Variants in TMEM259 observed in about 807,000 individuals in gnomAD.
The protein encoded by TMEM259 is membralin.
Under a neutral mutation model 46.7 loss-of-function variants are expected in TMEM259, and 26 were observed. That is an observed-to-expected ratio of 0.56 (90% CI 0.41 to 0.77). The LOEUF (loss-of-function observed/expected upper bound fraction) is 0.77, where lower values mean the gene tolerates loss of function less well. Among genes scored for constraint, TMEM259 ranks in the 30% least tolerant of loss-of-function variants. The pLI is 0.00. For synonymous variants in TMEM259, 494 were observed against 395.1 expected, an observed-to-expected ratio of 1.25 and a Z score of -2.97; for missense variants, 930 against 900.5, an observed-to-expected ratio of 1.03 and a Z score of -0.42.
At position 1,010,353 on chromosome 19, in the gene TMEM259, G is replaced by C. The variant is rs1028601250; in HGVS notation, c.1860C>G (p.Ser620=). Residue 620 remains serine, a synonymous_variant, in exon 11 of 11, where the codon TCC becomes TCG. Transcript: ENST00000356663. The part of the protein sequence containing the change: ...APTEAPSEVG[S] Reference sequence around the variant, plus strand: ...AGAGGCGGCTCAGCTGTGCGGCTCAGGACCCCACCTCCGAGGGCGCCTCCG... The same window carrying C: ...AGAGGCGGCTCAGCTGTGCGGCTCACGACCCCACCTCCGAGGGCGCCTCCG... The C allele has an allele frequency of 1.3e-6, 2 of 1,488,736 alleles. No individual in the cohort carries two copies. The highest frequency in any genetic ancestry group is 2.5e-5 in the East Asian group (1 of 40,036). The allele number at this position is 1,488,736 out of a possible 1,614,324, so 92.2% of individuals were successfully genotyped here.
In TMEM259 at chr19:1,016,068, C is replaced by T. The variant is rs571518569; in HGVS notation, c.226-1595G>A. Among the ~76,000 whole-genome samples the T allele has an allele frequency of 2.0e-5, 3 of 152,336 alleles. No homozygotes were observed. The East Asian group carries it at 5.8e-4, about 29-fold the overall frequency. ...GCTGATCTGAACTGCATTTCTAGTC[C>T]TTACAGCCAAAAGAGCCGCAGGGGA... On this transcript the variant is annotated intron_variant, in intron 1 of 10. Coordinates refer to ENST00000356663, the MANE Select transcript of TMEM259 (RefSeq NM_001033026.2).
Position 1,010,185 on chromosome 19 carries a change from A to AG in TMEM259, c.*164dup, listed in dbSNP as rs370000938. 3 of 631,736 alleles carry AG rather than the reference A, an allele frequency of 4.7e-6. No homozygotes were observed. The highest frequency in any genetic ancestry group is 3.9e-5 in the African/African-American group (2 of 51,092). 39.1% of individuals were successfully genotyped at this position (631,736 alleles called of 1,614,324 possible). A position where few individuals can be genotyped will look rare whatever the true frequency, so the allele number is the denominator to read the frequency against. Reference sequence around the variant, plus strand: ...CAAGCCTCGGGCGCGACCTCACACCAGGGGGAGGAAAGCCGCCTTCCGGGC... The same window carrying AG: ...CAAGCCTCGGGCGCGACCTCACACCAGGGGGGAGGAAAGCCGCCTTCCGGGC... On this transcript the variant is annotated 3_prime_UTR_variant, in exon 11 of 11. Transcript: ENST00000356663.
intron 9 of TMEM259, 49 bp downstream of exon 9, chr19:1,011,318 A>G: frequency 6.5e-7 from 1 of 1,545,506 alleles, no homozygotes; most frequent in African/African-American, 1.4e-5. Context: ...GCAGCCCCCT[A>G]CCCCTGCCCA....
chr19:1,014,128 C>T (rs1408367101), intron 2 of TMEM259, 64 bp downstream of exon 2: 16 of 1,552,258 alleles, frequency 1.0e-5, no homozygotes, highest in Non-Finnish European at 1.3e-5. Flanking sequence ...AGGAACCGCC[C>T]CTTCAGCGAC....
Position 1,021,041 on chromosome 19 carries a change from G to T in TMEM259, c.-45C>A. 1 of 1,314,800 alleles carries T rather than the reference G, an allele frequency of 7.6e-7. No homozygotes were observed. The highest frequency in any genetic ancestry group is 3.5e-5 in the East Asian group (1 of 28,918). The allele number at this position is 1,314,800 out of a possible 1,614,324, so 81.4% of individuals were successfully genotyped here. A position where few individuals can be genotyped will look rare whatever the true frequency, so the allele number is the denominator to read the frequency against. On this transcript the variant is annotated 5_prime_UTR_variant, in exon 1 of 11. Coordinates refer to ENST00000356663, the MANE Select transcript of TMEM259 (RefSeq NM_001033026.2). ...TAACGACCCGCAAGTGTCCGAGGGC[G>T]CCTCCCGGCCGCCATCGGCCGCCCT...
chr19:1,012,347 G>A (rs1437581516), intron 4 of TMEM259, 116 bp downstream of exon 4: 24 of 1,495,734 alleles, frequency 1.6e-5, no homozygotes, highest in Non-Finnish European at 2.0e-5. Context: ...TGCCTGGGGC[G>A]GGGCAGACCC....
chr19:1,010,691 C>G lies in TMEM259; in HGVS notation c.1522G>C (p.Gly508Arg), dbSNP rs527744500. The G allele has an allele frequency of 2.0e-6, 3 of 1,531,266 alleles. No individual in the cohort carries two copies. In the Admixed American group the frequency reaches 5.9e-5, roughly 30 times the overall value. 94.9% of individuals were successfully genotyped at this position (1,531,266 alleles called of 1,614,324 possible). The change falls in exon 11 of 11, where the codon GGG becomes CGG. Residue 508 changes from glycine (G) to arginine (R), a missense_variant. By Grantham distance (125) the Gly-to-Arg change is moderately radical. Coordinates refer to ENST00000356663, the MANE Select transcript of TMEM259 (RefSeq NM_001033026.2). ...QPPALGPVSP[G>R]ASGSPGPVAA... ...ACAGGCCCGGGACTCCCGCTGGCCCCAGGCGAGACGGGGCCCAGGGCGGGG... is the reference window on the plus strand; with the variant it reads ...ACAGGCCCGGGACTCCCGCTGGCCCGAGGCGAGACGGGGCCCAGGGCGGGG...
In TMEM259 at chr19:1,020,114, G is replaced by A. The variant is rs951675966; in HGVS notation, c.225+658C>T. Among the ~76,000 whole-genome samples the A allele has an allele frequency of 6.6e-6, 1 of 152,152 alleles. No homozygotes were observed. The highest frequency in any genetic ancestry group is 2.4e-5 in the African/African-American group (1 of 41,434). Reference sequence around the variant, plus strand: ...TGGGGACCCAGCGGAGGAAGAGGCCGGGGATGGGGTGGTACGCTGCTGCCG... The same window carrying A: ...TGGGGACCCAGCGGAGGAAGAGGCCAGGGATGGGGTGGTACGCTGCTGCCG... On this transcript the variant is annotated intron_variant, in intron 1 of 10. Transcript: ENST00000356663. This position sits in a 1 kb window ranked among gnomAD's most constrained non-coding sequence, Gnocchi z 4.0.
intron 3 of TMEM259, among the ~76,000 whole-genome samples, chr19:1,012,984 C>T (rs1220639508): frequency 2.0e-5 from 3 of 152,278 alleles, no homozygotes; most frequent in Non-Finnish European, 4.4e-5. Context: ...AGCTCAGAGC[C>T]GAAGGGATCC....
rs770768939 is a variant in TMEM259, at chr19:1,010,426, G to A, written c.1787C>T (p.Pro596Leu). The change falls in exon 11 of 11, where the codon CCC becomes CTC. Residue 596 changes from proline to leucine, a missense_variant. By Grantham distance (98) the Pro-to-Leu change is moderately conservative. Transcript: ENST00000356663. ...AGGCCCGCCTACCGCAGCCCCCAGG[G>A]GAGTTGTGTCAGAAGCTGCGGAGTC... is the stretch of plus-strand genomic sequence containing the variant. ...PSDSAASDTTPLGAAVGGPSP... is the reference protein window; with the variant it reads ...PSDSAASDTTLLGAAVGGPSP... 53 of 1,533,332 alleles carry A rather than the reference G, an allele frequency of 3.5e-5. No individual in the cohort carries two copies. Among genetic ancestry groups the A allele is most frequent in the Non-Finnish European group, 4.6e-5 (52 of 1,142,308 alleles). 95.0% of individuals were successfully genotyped at this position (1,533,332 alleles called of 1,614,324 possible).
At chr19:1,013,540 C>T (rs932588191) in intron 2 of TMEM259, 200 bp from the exon 3 acceptor site, 15 of 561,160 alleles carry the variant, frequency 2.7e-5, no homozygotes, top group Non-Finnish European at 4.8e-5. Context: ...TGCTGTGAGG[C>T]CATCTCCAGC....
chr19:1,010,751 C>T lies in TMEM259; in HGVS notation c.1462G>A (p.Ala488Thr), dbSNP rs1256735182. The T allele has an allele frequency of 5.9e-6, 9 of 1,535,114 alleles. No individual in the cohort carries two copies. In the East Asian group the frequency reaches 7.3e-5, roughly 12 times the overall value. ...LPDDMNNNSGAPATAPDSAGQ... is the reference protein window; with the variant it reads ...LPDDMNNNSGTPATAPDSAGQ... ...GCAGAGTCAGGGGCTGTAGCCGGGG[C>T]GCCCGAGTTGTTGTTCATGTCATCG... Residue 488 changes from alanine to threonine, a missense_variant, in exon 11 of 11, where the codon GCC (alanine) becomes ACC (threonine). By Grantham distance (58) the Ala-to-Thr change is moderately conservative (BLOSUM62 0). Transcript: ENST00000356663.
intron 7 of TMEM259, 32 bp from the exon 8 acceptor site, chr19:1,011,695 G>T: frequency 6.5e-7 from 1 of 1,529,744 alleles, no homozygotes; most frequent in Non-Finnish European, 8.8e-7. Flanking sequence ...CGCCCGGTGA[G>T]GGCCTGGAGG....
intron 10 of TMEM259, 31 bp from the exon 11 acceptor site, chr19:1,010,926 GC>G: frequency 6.4e-7 from 1 of 1,567,410 alleles, no homozygotes; most frequent in Non-Finnish European, 8.6e-7. Context: ...GTCAGGACGG[GC>G]CCGCCCCTGC....
rs1017076494 is a variant in TMEM259, at chr19:1,020,522, G to A, written c.225+250C>T. Among the ~76,000 whole-genome samples, 1 of 152,186 alleles carries A rather than the reference G, an allele frequency of 6.6e-6. No individual in the cohort carries two copies. Among genetic ancestry groups the A allele is most frequent in the African/African-American group, 2.4e-5 (1 of 41,464 alleles). ...CCAGAGTAGAGAACAGCGGCTTCTA[G>A]TGCAGCGGGATCCGGCCTTCCCGGG... On this transcript the variant is annotated intron_variant, in intron 1 of 10. Coordinates refer to ENST00000356663, the MANE Select transcript of TMEM259 (RefSeq NM_001033026.2). This position sits in a 1 kb window ranked among gnomAD's most constrained non-coding sequence, Gnocchi z 4.0.
chr19:1,013,162 G>A (rs1322660707), intron 3 of TMEM259, 79 bp downstream of exon 3: 61 of 1,298,508 alleles, frequency 4.7e-5, no homozygotes, highest in East Asian at 3.0e-4. Context: ...GGGGATGTTC[G>A]GAGGGACCCC....
chr19:1,019,391 T>G (rs2039213789), intron 1 of TMEM259, among the ~76,000 whole-genome samples: 1 of 152,190 alleles, frequency 6.6e-6, no homozygotes, highest in African/African-American at 2.4e-5. Context: ...CGTCCACAGT[T>G]TCAGGCCCCG....
chr19:1,013,198 G>A (rs2038996533), intron 3 of TMEM259, 43 bp downstream of exon 3: 2 of 1,572,170 alleles, frequency 1.3e-6, no homozygotes, highest in East Asian at 2.2e-5. Flanking sequence ...CCCCATGACT[G>A]AGGCAACCCC....
In TMEM259 at chr19:1,020,891, G is replaced by A. The variant is rs1284791786; in HGVS notation, c.106C>T (p.Pro36Ser). ...AGCCGGTCGCGCACGTTGATGAGGG[G>A]GTTGGGGTTGAGATTGGGGGTGCGA... ...GPRTPNLNPN[P>S]LINVRDRLFH... Residue 36 changes from proline to serine, a missense_variant, in exon 1 of 11, where the codon CCC becomes TCC. Coordinates refer to ENST00000356663, the MANE Select transcript of TMEM259 (RefSeq NM_001033026.2). The surrounding 1 kb of genome is among the most constrained non-coding windows in gnomAD (Gnocchi z 4.0). The A allele has an allele frequency of 2.3e-6, 3 of 1,318,248 alleles. No individual in the cohort carries two copies. The highest frequency in any genetic ancestry group is 2.9e-6 in the Non-Finnish European group (3 of 1,030,482). 81.7% of individuals were successfully genotyped at this position (1,318,248 alleles called of 1,614,324 possible). A position where few individuals can be genotyped will look rare whatever the true frequency, so the allele number is the denominator to read the frequency against.
Sources: allele counts gnomAD v4.1 joint callset (sites outside exome capture counted in the v4.1 genomes callset), GRCh38; gene constraint gnomAD v4.1.1; non-coding constraint Gnocchi (gnomAD v3.1); transcripts MANE v1.5; gene names NCBI Gene and HGNC (gene_info 2026-07-23, HGNC 2026-07-21).